The following LMBRD1 variants were observed in gnomAD, a reference collection of about 807,000 sequenced individuals.
LMBRD1 encodes lysosomal cobalamin transport escort protein LMBD1.
LMBRD1 carries 64 observed loss-of-function variants against 74.8 expected under a neutral mutation model. The ratio of observed to expected loss-of-function variants is 0.86; its 90% CI spans 0.70 to 1.05. The LOEUF is 1.05. Among genes scored for constraint, LMBRD1 ranks in the 50% least tolerant of loss-of-function variants. The probability of loss-of-function intolerance (pLI) is 0.00; values close to 1 mark genes in which losing one functional copy is unlikely to be tolerated. For missense variants in LMBRD1, 652 were observed against 645.9 expected, an observed-to-expected ratio of 1.01 and a Z score of -0.10; for synonymous variants, 204 against 216.3, an observed-to-expected ratio of 0.94 and a Z score of 0.50.
At chr6:69,695,660 G>C (rs992468787) in intron 14 of LMBRD1, among the ~76,000 whole-genome samples, 2 of 151,598 alleles carry the variant, frequency 1.3e-5, no homozygotes. Flanking sequence ...TTGTTTCTTT[G>C]TTATCTTTTA....
At chr6:69,776,081 T>C (rs1226616948) in intron 3 of LMBRD1, among the ~76,000 whole-genome samples, 2 of 152,252 alleles carry the variant, frequency 1.3e-5, no homozygotes, top group African/African-American at 2.4e-5. Flanking sequence ...TGTATAATGA[T>C]ATGTGTCAAC....
At chr6:69,772,004 C>T (rs1765586835) in intron 3 of LMBRD1, among the ~76,000 whole-genome samples, 1 of 152,276 alleles carries the variant, frequency 6.6e-6, no homozygotes, top group Middle Eastern at 3.4e-3. Context: ...CTAAGGTTTT[C>T]AGCCTGAGAA....
intron 14 of LMBRD1, among the ~76,000 whole-genome samples, chr6:69,681,226 G>A (rs1425796186): frequency 6.6e-6 from 1 of 151,746 alleles, no homozygotes; most frequent in African/African-American, 2.4e-5. Flanking sequence ...GCCAAAAAGG[G>A]GCATCTGAAG....
In LMBRD1 at chr6:69,786,349, A is replaced by T. The variant is rs182694681; in HGVS notation, c.246+3947T>A. Among the ~76,000 whole-genome samples, 39 of 152,350 alleles carry T rather than the reference A, an allele frequency of 2.6e-4. No homozygotes were observed. The East Asian group carries it at 7.3e-3, about 29-fold the overall frequency. On this transcript the variant is annotated intron_variant, in intron 2 of 15. Coordinates refer to ENST00000649934, the MANE Select transcript of LMBRD1 (RefSeq NM_018368.4). ...AATAACAGTCCATAAAGATATTCAT[A>T]ATTAGGGAACAGGAGTAAGATATGA...
chr6:69,706,231 C>G, intron 9 of LMBRD1: 1 of 384,052 alleles, frequency 2.6e-6, no homozygotes, highest in South Asian at 2.4e-5. Flanking sequence ...AAGAGAACAG[C>G]CGCACAGGAC....
intron 5 of LMBRD1, chr6:69,746,647 TC>T (rs1219442930): frequency 6.6e-6 from 1 of 152,356 alleles, no homozygotes; most frequent in Non-Finnish European, 1.5e-5. Context: ...CATTGGAGGG[TC>T]CCTTCAAAGG....
At chr6:69,701,789 ACTT>A (rs1372614733) in intron 10 of LMBRD1, 97 bp downstream of exon 10, 1 of 842,686 alleles carries the variant, frequency 1.2e-6, no homozygotes, top group Non-Finnish European at 2.0e-6. Context: ...TAAAAAAGCT[ACTT>A]AAGATGAACA....
chr6:69,691,138 CCT>C (rs199949095), intron 14 of LMBRD1, among the ~76,000 whole-genome samples: 5 of 31,372 alleles, frequency 1.6e-4, no homozygotes, highest in Non-Finnish European at 8.3e-4. Context: ...GCAGCAACGG[CCT>C]CTCTCTCTCT....
chr6:69,746,675 GA>G (rs376564129), intron 5 of LMBRD1: 3 of 152,444 alleles, frequency 2.0e-5, no homozygotes, highest in African/African-American at 7.2e-5. Flanking sequence ...GGACTACACT[GA>G]GCAACAGGTT....
chr6:69,700,510 G>A (rs181990973), intron 12 of LMBRD1, among the ~76,000 whole-genome samples: 4 of 151,840 alleles, frequency 2.6e-5, no homozygotes, highest in East Asian at 1.9e-4. Context: ...CATGCCACTA[G>A]CATTCCCCAA....
intron 7 of LMBRD1, among the ~76,000 whole-genome samples, chr6:69,736,884 C>T (rs1051115352): frequency 6.6e-6 from 1 of 152,124 alleles, no homozygotes; most frequent in Non-Finnish European, 1.5e-5. Context: ...GCTGTACATT[C>T]TGTGAGATAG....
chr6:69,791,921 G>A (rs1364343066), intron 1 of LMBRD1, among the ~76,000 whole-genome samples: 1 of 152,144 alleles, frequency 6.6e-6, no homozygotes, highest in Admixed American at 6.5e-5. Context: ...AAGACCCACT[G>A]GACCCAACAT....
rs186058997 is a variant in LMBRD1 at position 69,682,123 on chromosome 6, A to T, written c.1418-5582T>A. The stretch of plus-strand genomic sequence containing the variant: ...TCGGAAACTAATGAAATACATCCAA[A>T]TAAATGGGAAGGCAGAAAAAATGAA... On this transcript the variant is annotated intron_variant, in intron 14 of 15. Coordinates refer to ENST00000649934, the MANE Select transcript of LMBRD1 (RefSeq NM_018368.4). Among the ~76,000 whole-genome samples the T allele has an allele frequency of 3.2e-3, 488 of 152,028 alleles. 4 individuals carry two copies. The highest frequency in any genetic ancestry group is 4.8e-3 in the Non-Finnish European group (324 of 67,820).
chr6:69,796,679 G>T (rs1470332303), intron 1 of LMBRD1, 134 bp downstream of exon 1: 10 of 805,940 alleles, frequency 1.2e-5, no homozygotes, highest in Non-Finnish European at 2.1e-5. Flanking sequence ...ACACTAAGGA[G>T]CCCTCCACAG....
At chr6:69,689,154 C>G (rs759835971) in intron 14 of LMBRD1, among the ~76,000 whole-genome samples, 1 of 151,830 alleles carries the variant, frequency 6.6e-6, no homozygotes, top group Non-Finnish European at 1.5e-5. Flanking sequence ...TAAATGGAGG[C>G]GAGAAGGAAA....
At chr6:69,681,101 C>T (rs1313334127) in intron 14 of LMBRD1, among the ~76,000 whole-genome samples, 3 of 151,940 alleles carry the variant, frequency 2.0e-5, no homozygotes, top group Admixed American at 6.6e-5. Context: ...AAAGATTAAA[C>T]TTCCAATTAA....
chr6:69,705,517 T>C, intron 9 of LMBRD1: 1 of 1,273,554 alleles, frequency 7.9e-7, no homozygotes, highest in Admixed American at 1.7e-5. Context: ...GATCTTGGTA[T>C]TGATGATGGT....
chr6:69,701,312 A>C (rs1011399688), intron 11 of LMBRD1, 131 bp downstream of exon 11: 11 of 612,608 alleles, frequency 1.8e-5, no homozygotes, highest in Admixed American at 1.5e-4. Context: ...AAATAATATA[A>C]GCATATGTCA....
At chr6:69,749,447 C>T (rs1765072832) in intron 4 of LMBRD1, 39 bp from the exon 5 acceptor site, 11 of 1,480,326 alleles carry the variant, frequency 7.4e-6, no homozygotes, top group Non-Finnish European at 1.0e-5. Context: ...ATTTAGCAAG[C>T]CCTTTAAAAT....
Sources: gnomAD v4.1 joint callset for allele counts (sites outside exome capture counted in the v4.1 genomes callset) on GRCh38, gnomAD v4.1.1 for gene constraint, MANE v1.5 for transcripts, NCBI Gene and HGNC (gene_info 2026-07-23, HGNC 2026-07-21) for gene names.